The following TSEN2 variants were observed in gnomAD, a reference collection of about 807,000 sequenced individuals.
TSEN2 encodes tRNA splicing endonuclease subunit 2.
A neutral mutation model predicts 59.2 loss-of-function variants in TSEN2; 54 were observed. The observed-to-expected ratio is 0.91, with a 90% CI of 0.73 to 1.14. TSEN2 has a LOEUF of 1.14. TSEN2 is among the 50% of genes most tolerant of loss of function. The pLI, the probability that TSEN2 is intolerant of heterozygous loss-of-function variation, is 0.00. For missense variants in TSEN2, 636 were observed against 576.2 expected, an observed-to-expected ratio of 1.10 and a Z score of -1.06; for synonymous variants, 195 against 198.2, an observed-to-expected ratio of 0.98 and a Z score of 0.14.
At chr3:12,492,023 A>G in intron 2 of TSEN2, 113 bp from the exon 3 acceptor site, 1 of 865,298 alleles carries the variant, frequency 1.2e-6, no homozygotes, top group Admixed American at 1.9e-5. Flanking sequence ...GGTATCCACC[A>G]GAGGTCCTGG....
intron 1 of TSEN2, 88 bp downstream of exon 1, chr3:12,484,968 C>T (rs2124863045): frequency 6.6e-6 from 1 of 152,376 alleles, no homozygotes; most frequent in South Asian, 2.1e-4. Flanking sequence ...CTGGTGAGCG[C>T]TTTCCACGTG....
At chr3:12,526,922 A>T (rs959354381) in intron 8 of TSEN2, among the ~76,000 whole-genome samples, 4 of 152,204 alleles carry the variant, frequency 2.6e-5, no homozygotes, top group African/African-American at 9.6e-5. Flanking sequence ...GATTACAGGT[A>T]ATGTCATTTG....
intron 9 of TSEN2, among the ~76,000 whole-genome samples, chr3:12,529,194 C>T (rs566562018): frequency 1.1e-4 from 16 of 152,226 alleles, no homozygotes; most frequent in African/African-American, 3.9e-4. Flanking sequence ...AGGCCAGGTG[C>T]GGTGGCTCAC....
rs770442725 is a variant in TSEN2 at position 12,531,603 on chromosome 3, A to G, written c.1282A>G (p.Thr428Ala). The change falls in exon 11 of 12, where the codon ACT becomes GCT. Residue 428 changes from threonine to alanine, a missense_variant. Coordinates refer to ENST00000284995, the MANE Select transcript of TSEN2 (RefSeq NM_025265.4). ...LMLCYLIKPSTMTDKEMESPE... is the reference protein window; with the variant it reads ...LMLCYLIKPSAMTDKEMESPE... Reference sequence around the variant, plus strand: ...GCTGTGCTATTTGATTAAACCCTCTACTATGACTGACAAGGAAATGGAGTC... The same window carrying G: ...GCTGTGCTATTTGATTAAACCCTCTGCTATGACTGACAAGGAAATGGAGTC... 6 of 1,612,866 alleles carry G rather than the reference A, an allele frequency of 3.7e-6. No individual in the cohort carries two copies. In the African/African-American group the frequency reaches 6.7e-5, roughly 18 times the overall value.
chr3:12,537,063 G>T (rs1340556469), downstream of TSEN2, among the ~76,000 whole-genome samples: 1 of 151,168 alleles, frequency 6.6e-6, no homozygotes, highest in African/African-American at 2.4e-5. Flanking sequence ...TATGAGGCCA[G>T]CTCTTGCCAA....
chr3:12,481,349 T>A (rs907416373), upstream of TSEN2, among the ~76,000 whole-genome samples: 1 of 152,128 alleles, frequency 6.6e-6, no homozygotes, highest in Non-Finnish European at 1.5e-5. Flanking sequence ...CATCTGCAGA[T>A]GTGTGCATGC....
At chr3:12,482,352 C>G (rs2124843260), upstream of TSEN2, among the ~76,000 whole-genome samples, 1 of 152,246 alleles carries the variant, frequency 6.6e-6, no homozygotes, top group South Asian at 2.1e-4. Context: ...AACTCCCAAC[C>G]TCAGGTGATC....
intron 4 of TSEN2, among the ~76,000 whole-genome samples, chr3:12,501,323 T>C (rs112594146): frequency 1.6e-4 from 24 of 152,322 alleles, no homozygotes; most frequent in Admixed American, 9.2e-4. Flanking sequence ...CACACAGTTA[T>C]AAGTAACAGG....
In TSEN2 at chr3:12,489,847, A is replaced by C; in HGVS notation, c.47A>C (p.Tyr16Ser). The stretch of plus-strand genomic sequence containing the variant: ...GCCCCAAAGAGGAAAAGAAGAGTGT[A>C]TGAGACTTACGAGTCTCCATTGCCA... ...FHAPKRKRRVYETYESPLPIP... is the reference protein window; with the variant it reads ...FHAPKRKRRVSETYESPLPIP... Residue 16 changes from tyrosine to serine, a missense_variant, in exon 2 of 12, where the codon TAT (tyrosine) becomes TCT (serine). Tyr to Ser is a moderately radical substitution (Grantham distance 144). Coordinates refer to ENST00000284995, the MANE Select transcript of TSEN2 (RefSeq NM_025265.4). 1 of 1,614,082 alleles carries C rather than the reference A, an allele frequency of 6.2e-7. No individual in the cohort carries two copies. Among genetic ancestry groups the C allele is most frequent in the Non-Finnish European group, 8.5e-7 (1 of 1,180,034 alleles).
At chr3:12,517,148 C>T (rs1257098167) in intron 7 of TSEN2, among the ~76,000 whole-genome samples, 1 of 151,880 alleles carries the variant, frequency 6.6e-6, no homozygotes, top group Non-Finnish European at 1.5e-5. Context: ...GAGATCGAGA[C>T]CATCCTGGCT....
At chr3:12,510,640 T>C (rs1461634455) in intron 6 of TSEN2, among the ~76,000 whole-genome samples, 1 of 152,110 alleles carries the variant, frequency 6.6e-6, no homozygotes, top group African/African-American at 2.4e-5. Context: ...ACCTCACCCG[T>C]TTTTCCCACA....
At chr3:12,496,678 G>A in intron 4 of TSEN2, 124 bp downstream of exon 4, 1 of 930,062 alleles carries the variant, frequency 1.1e-6, no homozygotes, top group Non-Finnish European at 1.7e-6. Context: ...GGTAGTAGAT[G>A]TATCCTTGAA....
intron 6 of TSEN2, among the ~76,000 whole-genome samples, chr3:12,514,002 A>G (rs747706213): frequency 6.6e-5 from 10 of 152,132 alleles, no homozygotes; most frequent in Non-Finnish European, 1.2e-4. Context: ...AGCATTGAAC[A>G]CCCAACATGT....
chr3:12,487,078 G>A (rs74329541), intron 1 of TSEN2, among the ~76,000 whole-genome samples: 4 of 152,256 alleles, frequency 2.6e-5, no homozygotes, highest in Admixed American at 6.5e-5. Context: ...GGATCATGTC[G>A]TAACTATGTG....
chr3:12,528,990 T>A, intron 9 of TSEN2, 66 bp downstream of exon 9: 1 of 1,574,340 alleles, frequency 6.4e-7, no homozygotes, highest in African/African-American at 1.3e-5. Flanking sequence ...GCCTCTAATT[T>A]AACTTTTTGG....
At position 12,532,659 on chromosome 3, in the gene TSEN2, T is replaced by G; in HGVS notation, c.1339-3T>G. 6.2e-7 allele frequency: 1 copy of G among 1,614,054 alleles called. No homozygotes were observed. Among genetic ancestry groups the G allele is most frequent in the East Asian group, 2.2e-5 (1 of 44,870 alleles). On this transcript the variant is annotated splice_polypyrimidine_tract_variant and splice_region_variant and intron_variant, in intron 11 of 11. Transcript: ENST00000284995. ...AAATGGTCTTTTTTTTTATTGGTTG[T>G]AGGAGGTGATTCTGAGTCGATGGGT...
chr3:12,532,579 A>C, intron 11 of TSEN2, 83 bp from the exon 12 acceptor site: 2 of 1,350,992 alleles, frequency 1.5e-6, no homozygotes, highest in Non-Finnish European at 1.1e-6. Flanking sequence ...CCTTTGTGAA[A>C]TGTAGCTGTG....
chr3:12,499,673 T>C (rs1039337696), intron 4 of TSEN2, among the ~76,000 whole-genome samples: 2 of 152,084 alleles, frequency 1.3e-5, no homozygotes, highest in African/African-American at 4.8e-5. Flanking sequence ...CTGGGAGACA[T>C]TGATATGGGT....
chr3:12,518,926 A>AT, intron 7 of TSEN2, 133 bp from the exon 8 acceptor site: 1 of 857,278 alleles, frequency 1.2e-6, no homozygotes, highest in East Asian at 2.6e-5. Flanking sequence ...AAATAAATAA[A>AT]TTGCTCTGCT....
Sources: gnomAD v4.1 joint callset for allele counts (sites outside exome capture counted in the v4.1 genomes callset) on GRCh38, gnomAD v4.1.1 for gene constraint, MANE v1.5 for transcripts, NCBI Gene and HGNC (gene_info 2026-07-23, HGNC 2026-07-21) for gene names.